CACNA1C: variants seen among roughly 807,000 people sequenced by gnomAD.
The protein encoded by CACNA1C is calcium voltage-gated channel subunit alpha1 C, also known as voltage-dependent L-type calcium channel subunit alpha-1C.
In CACNA1C, 30 loss-of-function variants were observed where a neutral mutation model predicts 229.0. The ratio of observed to expected loss-of-function variants is 0.13; its 90% CI spans 0.10 to 0.18. The LOEUF (loss-of-function observed/expected upper bound fraction) is 0.18. CACNA1C is among the 10% of genes least tolerant of loss of function. The pLI is 1.00. For missense variants in CACNA1C, 1,658 were observed against 2,845.0 expected (o/e 0.58, Z 9.49); for synonymous variants, 1,114 against 1,132.5 (o/e 0.98, Z 0.33).
intron 3 of CACNA1C, among the ~76,000 whole-genome samples, chr12:2,208,012 A>G (rs1372562629): frequency 6.6e-6 from 1 of 152,222 alleles, no homozygotes; most frequent in Non-Finnish European, 1.5e-5. Flanking sequence ...CATAACAAAT[A>G]GCACAAGGAG....
chr12:2,462,046 C>T (rs1014299842), intron 5 of CACNA1C, among the ~76,000 whole-genome samples: 6 of 152,226 alleles, frequency 3.9e-5, no homozygotes, highest in African/African-American at 1.2e-4. Context: ...TGCGATCTCA[C>T]GCCTCCTTCC....
Position 2,486,279 on chromosome 12 carries a change from G to A in CACNA1C, c.916+17G>A, listed in dbSNP as rs1567971537. 2.5e-6 allele frequency: 4 copies of A among 1,608,112 alleles called. No homozygotes were observed. Among genetic ancestry groups the A allele is most frequent in the Admixed American group, 3.3e-5 (2 of 59,794 alleles). On this transcript the variant is annotated intron_variant, in intron 6 of 46. Transcript: ENST00000399655. This position sits in a 1 kb window ranked among gnomAD's most constrained non-coding sequence, Gnocchi z 4.9. ...GCATAGCAGGTAAGAGGGGCAGGCG[G>A]CTGCGCTCCCAAGGCCCTGCCCTCT...
chr12:2,219,020 A>G (rs1225825459), intron 3 of CACNA1C, among the ~76,000 whole-genome samples: 2 of 152,232 alleles, frequency 1.3e-5, no homozygotes, highest in African/African-American at 4.8e-5. Context: ...TGTGCTTGAC[A>G]TGTGGAAGGG....
chr12:2,127,812 A>G (rs1596564540), intron 3 of CACNA1C, among the ~76,000 whole-genome samples: 1 of 152,284 alleles, frequency 6.6e-6, no homozygotes, highest in East Asian at 1.9e-4. Context: ...GTGTGGCCTT[A>G]GGTCAGTCAC....
In CACNA1C at chr12:2,601,922, G is replaced by A; in HGVS notation, c.2922G>A (p.Leu974=). The change falls in exon 22 of 47, where the codon CTG becomes CTA. Residue 974 remains leucine, a synonymous_variant. Transcript: ENST00000399655. The surrounding 1 kb of genome is among the most constrained non-coding windows in gnomAD (Gnocchi z 5.9). ...GGAACTACTTCAACATCCTGGACCT[G>A]CTGGTGGTCAGCGTGTCCCTCATCT... ...FCRNYFNILD[L]LVVSVSLISF... 6.2e-7 allele frequency: 1 copy of A among 1,613,894 alleles called. No homozygotes were observed. Among genetic ancestry groups the A allele is most frequent in the Non-Finnish European group, 8.5e-7 (1 of 1,179,780 alleles).
At chr12:2,245,881 T>C (rs1465917533) in intron 3 of CACNA1C, among the ~76,000 whole-genome samples, 1 of 152,202 alleles carries the variant, frequency 6.6e-6, no homozygotes, top group Non-Finnish European at 1.5e-5. Flanking sequence ...CAAATGACTT[T>C]ACCTGACACA....
intron 10 of CACNA1C, among the ~76,000 whole-genome samples, chr12:2,554,466 T>C (rs2042971988): frequency 6.6e-6 from 1 of 152,212 alleles, no homozygotes; most frequent in Admixed American, 6.5e-5. Context: ...CTTCCGAGTG[T>C]GCTGTGCATA....
chr12:2,007,684 A>C (rs1276098920), intron 1 of CACNA1C, among the ~76,000 whole-genome samples: 1 of 152,210 alleles, frequency 6.6e-6, no homozygotes, highest in East Asian at 1.9e-4. Flanking sequence ...TTTAGAGTTA[A>C]TGAAACAACC....
At chr12:2,256,628 C>T (rs983588525) in intron 3 of CACNA1C, among the ~76,000 whole-genome samples, 2 of 152,112 alleles carry the variant, frequency 1.3e-5, no homozygotes, top group African/African-American at 2.4e-5. Flanking sequence ...AGAGCCAGGA[C>T]GTAAAGCAGA....
At chr12:2,149,476 A>G (rs148850975) in intron 3 of CACNA1C, among the ~76,000 whole-genome samples, 211 of 152,342 alleles carry the variant, frequency 1.4e-3, no homozygotes, top group African/African-American at 4.8e-3. Flanking sequence ...AGTTTAGGAA[A>G]ATCCTGGCTG....
At chr12:2,310,606 A>G (rs971899645) in intron 3 of CACNA1C, among the ~76,000 whole-genome samples, 3 of 152,150 alleles carry the variant, frequency 2.0e-5, no homozygotes, top group South Asian at 4.1e-4. Context: ...TGAAGAGGGA[A>G]ACAACAAGGT....
At chr12:2,385,574 A>G (rs2098364836) in intron 3 of CACNA1C, among the ~76,000 whole-genome samples, 1 of 151,948 alleles carries the variant, frequency 6.6e-6, no homozygotes, top group African/African-American at 2.4e-5. Context: ...TTTGCCTGGA[A>G]ATTTGCAACA....
At chr12:2,628,342 T>TA (rs2153541858) in intron 29 of CACNA1C, among the ~76,000 whole-genome samples, 1 of 152,298 alleles carries the variant, frequency 6.6e-6, no homozygotes, top group South Asian at 2.1e-4. Context: ...ACTCGAGTCT[T>TA]ACAAAATGCA....
chr12:2,392,537 C>T (rs556806607), intron 3 of CACNA1C, among the ~76,000 whole-genome samples: 6 of 152,224 alleles, frequency 3.9e-5, no homozygotes, highest in South Asian at 4.2e-4. Context: ...TCTGAGAAAC[C>T]GTTGTGTCTG....
intron 3 of CACNA1C, 25 bp from the exon 4 acceptor site, chr12:2,448,951 T>C (rs1423802871): frequency 1.3e-6 from 2 of 1,590,080 alleles, no homozygotes; most frequent in Non-Finnish European, 8.6e-7. Context: ...CTTATTTTTC[T>C]CTCTTTTCTA....
rs73605796 is a variant in CACNA1C, at chr12:2,353,451, C to T, written c.478-95525C>T. On this transcript the variant is annotated intron_variant, in intron 3 of 46. Transcript: ENST00000399655. ...AGACTGTCCTAACAGGCGGCGCTGC[C>T]GCGCTCAGCACCTGGGCTGGGAAGA... is the stretch of plus-strand genomic sequence containing the variant. Among the ~76,000 whole-genome samples the T allele has an allele frequency of 4.2e-3, 634 of 152,332 alleles. 3 individuals are homozygous for T. The highest frequency in any genetic ancestry group is 0.014 in the African/African-American group (600 of 41,584).
intron 7 of CACNA1C, among the ~76,000 whole-genome samples, chr12:2,501,002 C>T (rs1471872265): frequency 6.6e-6 from 1 of 150,592 alleles, no homozygotes; most frequent in Admixed American, 6.6e-5. Flanking sequence ...GTCAGGAGAT[C>T]GAGACCATCC....
Position 2,688,541 on chromosome 12 carries a change from G to T in CACNA1C, c.5879G>T (p.Gly1960Val), listed in dbSNP as rs1456685654. The change falls in exon 46 of 47, where the codon GGC (glycine) becomes GTC (valine). Residue 1960 changes from glycine (G) to valine (V), a missense_variant. Physicochemically the swap from Gly to Val is moderately radical, Grantham distance 109. Transcript: ENST00000399655. ...RPFATPPATP[G>V]SRGWPPQPVP... ...TTTGCCACCCCACCAGCCACACCTGGCAGCCGAGGCTGGCCCCCACAGCCC... is the reference window on the plus strand; with the variant it reads ...TTTGCCACCCCACCAGCCACACCTGTCAGCCGAGGCTGGCCCCCACAGCCC... 6.2e-7 allele frequency: 1 copy of T among 1,613,818 alleles called. No individual in the cohort carries two copies. The highest frequency in any genetic ancestry group is 8.5e-7 in the Non-Finnish European group (1 of 1,179,846).
In CACNA1C at chr12:2,438,199, G is replaced by A. The variant is rs139717211; in HGVS notation, c.478-10777G>A. Among the ~76,000 whole-genome samples, 89 of 147,546 alleles carry A rather than the reference G, an allele frequency of 6.0e-4. 1 individual carries two copies. The highest frequency in any genetic ancestry group is 1.0e-3 in the Non-Finnish European group (68 of 66,886). On this transcript the variant is annotated intron_variant, in intron 3 of 46. Transcript: ENST00000399655. ...GTGGGGATGGTGGGATAATGACGGC[G>A]ATGGTGATGGTGGTGGTGGTGGTGG...
Sources: allele counts gnomAD v4.1 joint callset (sites outside exome capture counted in the v4.1 genomes callset), GRCh38; gene constraint gnomAD v4.1.1; non-coding constraint Gnocchi (gnomAD v3.1); transcripts MANE v1.5; gene names NCBI Gene and HGNC (gene_info 2026-07-23, HGNC 2026-07-21).